The following WWOX variants were observed in gnomAD, a reference collection of about 807,000 sequenced individuals.
The protein encoded by WWOX is WW domain containing oxidoreductase, also known as WW domain-containing oxidoreductase.
WWOX carries 69 observed loss-of-function variants against 46.2 expected under a neutral mutation model. The ratio of observed to expected loss-of-function variants is 1.49; its 90% CI spans 1.23 to 1.82. The LOEUF is 1.82. WWOX is among the 40% of genes most tolerant of loss of function. The pLI, the probability that WWOX is intolerant of heterozygous loss-of-function variation, is 0.00. For synonymous variants in WWOX, 359 were observed against 202.6 expected (o/e 1.77, Z -6.56); for missense variants, 919 against 542.6 (o/e 1.69, Z -6.89).
chr16:78,797,358 TAAAAA>T (rs57291441), intron 8 of WWOX, among the ~76,000 whole-genome samples: 38,201 of 116,718 alleles, frequency 0.33, 6,647 homozygotes, highest in Middle Eastern at 0.47. Flanking sequence ...GTCAAAGTGG[TAAAAA>T]AAAAAAAAAA....
chr16:78,651,090 G>A (rs558889650), intron 8 of WWOX, among the ~76,000 whole-genome samples: 4 of 152,330 alleles, frequency 2.6e-5, no homozygotes, highest in East Asian at 3.9e-4. Context: ...TCACGAGGAG[G>A]TTAGACCCCT....
intron 5 of WWOX, among the ~76,000 whole-genome samples, chr16:78,344,049 C>T (rs1442499978): frequency 8.4e-6 from 1 of 118,902 alleles, no homozygotes; most frequent in Admixed American, 8.3e-5. Flanking sequence ...TTCTCCTCAC[C>T]ATCAAGAAAT....
chr16:78,797,593 T>C (rs2050777404), intron 8 of WWOX, among the ~76,000 whole-genome samples: 1 of 152,112 alleles, frequency 6.6e-6, no homozygotes, highest in Non-Finnish European at 1.5e-5. Context: ...ATGTCAATAT[T>C]CCTGAGCTTC....
chr16:78,932,101 C>A (rs549287917), intron 8 of WWOX, among the ~76,000 whole-genome samples: 41 of 152,348 alleles, frequency 2.7e-4, no homozygotes, highest in Admixed American at 5.2e-4. Flanking sequence ...ATTACTCAGT[C>A]TCAGGTATGT....
intron 8 of WWOX, among the ~76,000 whole-genome samples, chr16:78,799,173 A>G (rs918072893): frequency 3.9e-5 from 6 of 152,170 alleles, no homozygotes; most frequent in Non-Finnish European, 7.3e-5. Flanking sequence ...AAGTTAGGAA[A>G]TATTTAAAAC....
intron 8 of WWOX, among the ~76,000 whole-genome samples, chr16:78,806,301 T>A (rs913798676): frequency 6.6e-6 from 1 of 152,204 alleles, no homozygotes. Flanking sequence ...ATTTCCCTAT[T>A]CTTTAGAGTT....
At chr16:78,871,670 G>A (rs192949615) in intron 8 of WWOX, among the ~76,000 whole-genome samples, 4 of 152,302 alleles carry the variant, frequency 2.6e-5, no homozygotes, top group East Asian at 1.9e-4. Context: ...TGCAATTTCA[G>A]CTCACTGCAA....
At chr16:79,185,988 TTAA>T (rs2150796284) in intron 8 of WWOX, among the ~76,000 whole-genome samples, 1 of 152,148 alleles carries the variant, frequency 6.6e-6, no homozygotes, top group East Asian at 1.9e-4. Context: ...GTGTGTATTA[TTAA>T]TATGTCTGCT....
At chr16:79,106,737 G>C (rs867765540) in intron 8 of WWOX, 4 of 149,148 alleles carry the variant, frequency 2.7e-5, no homozygotes, top group African/African-American at 9.9e-5. Context: ...TCCAGCCTCA[G>C]CCTCCGAGTA....
At chr16:79,122,939 G>A (rs898176968) in intron 8 of WWOX, among the ~76,000 whole-genome samples, 2 of 152,288 alleles carry the variant, frequency 1.3e-5, no homozygotes, top group South Asian at 4.1e-4. Context: ...GACCCTTGCC[G>A]GGGCCTCGCC....
At chr16:79,012,905 C>T (rs1363050950) in intron 8 of WWOX, among the ~76,000 whole-genome samples, 2 of 152,174 alleles carry the variant, frequency 1.3e-5, no homozygotes, top group Non-Finnish European at 1.5e-5. Flanking sequence ...AAAATGCCAC[C>T]AGCAGGCTGG....
intron 8 of WWOX, among the ~76,000 whole-genome samples, chr16:78,943,792 C>A (rs1426591965): frequency 6.6e-6 from 1 of 152,154 alleles, no homozygotes; most frequent in Non-Finnish European, 1.5e-5. Context: ...AAGGGGAAAT[C>A]TTTCCCACCG....
intron 8 of WWOX, among the ~76,000 whole-genome samples, chr16:79,161,257 C>CT (rs2050481255): frequency 6.6e-6 from 1 of 152,188 alleles, no homozygotes; most frequent in African/African-American, 2.4e-5. Flanking sequence ...AATCCTCCCT[C>CT]TGTCTTTTCC....
intron 8 of WWOX, among the ~76,000 whole-genome samples, chr16:78,836,082 A>G (rs1442143520): frequency 6.6e-6 from 1 of 152,248 alleles, no homozygotes; most frequent in East Asian, 1.9e-4. Flanking sequence ...TTTCGTTGAG[A>G]AAGTGACCTT....
intron 8 of WWOX, among the ~76,000 whole-genome samples, chr16:78,669,353 C>T (rs956475161): frequency 6.6e-6 from 1 of 152,176 alleles, no homozygotes; most frequent in African/African-American, 2.4e-5. Context: ...AGTTTTAACT[C>T]CAACTTCTTC....
rs532364019 is a variant in WWOX at position 78,125,705 on chromosome 16, A to G, written c.409+10551A>G. The stretch of plus-strand genomic sequence containing the variant: ...AGCAAGACCCCATCTCTACCAAATC[A>G]AATTTTTTTTAAAAGCTGAAGCTTT... On this transcript the variant is annotated intron_variant, in intron 4 of 8. Transcript: ENST00000566780. Among the ~76,000 whole-genome samples, 12 of 152,252 alleles carry G rather than the reference A, an allele frequency of 7.9e-5. No homozygotes were observed. In the South Asian group the frequency reaches 2.3e-3, roughly 29 times the overall value.
chr16:78,943,336 C>G (rs1453249222), intron 8 of WWOX, among the ~76,000 whole-genome samples: 6 of 150,568 alleles, frequency 4.0e-5, no homozygotes, highest in South Asian at 2.1e-4. Flanking sequence ...GATCCAAACC[C>G]TTTGGCATTC....
intron 8 of WWOX, among the ~76,000 whole-genome samples, chr16:78,677,757 C>G (rs1428835469): frequency 6.6e-6 from 1 of 152,154 alleles, no homozygotes; most frequent in Admixed American, 6.5e-5. Flanking sequence ...CCAGAAAACA[C>G]TAGCTGGTAT....
intron 8 of WWOX, among the ~76,000 whole-genome samples, chr16:78,853,839 C>T (rs1214545935): frequency 2.0e-5 from 3 of 152,072 alleles, no homozygotes; most frequent in African/African-American, 7.2e-5. Context: ...AAGCCCTCAG[C>T]AATAGATCTT....
Sources: gnomAD v4.1 joint callset for allele counts (sites outside exome capture counted in the v4.1 genomes callset) on GRCh38, gnomAD v4.1.1 for gene constraint, MANE v1.5 for transcripts, NCBI Gene and HGNC (gene_info 2026-07-23, HGNC 2026-07-21) for gene names.